The following PTK2 variants were observed in gnomAD, a reference collection of about 807,000 sequenced individuals.
PTK2 encodes the protein focal adhesion kinase 1.
Under a neutral mutation model 150.1 loss-of-function variants are expected in PTK2, and 45 were observed. That is an observed-to-expected ratio of 0.30 (90% CI 0.24 to 0.38). The LOEUF (loss-of-function observed/expected upper bound fraction) is 0.38. PTK2 is among the 10% of genes least tolerant of loss of function. The pLI, the probability that PTK2 is intolerant of heterozygous loss-of-function variation, is 1.00. For missense variants in PTK2, 919 were observed against 1,307.3 expected (o/e 0.70, Z 4.58); for synonymous variants, 432 against 449.2 (o/e 0.96, Z 0.48).
intron 26 of PTK2, among the ~76,000 whole-genome samples, chr8:140,688,014 G>A (rs1473217670): frequency 6.6e-6 from 1 of 152,178 alleles, no homozygotes; most frequent in Non-Finnish European, 1.5e-5. Context: ...AGGGGGCTCT[G>A]GCTGATTGTT....
intron 26 of PTK2, among the ~76,000 whole-genome samples, chr8:140,699,396 A>C (rs1490953218): frequency 6.6e-6 from 1 of 152,202 alleles, no homozygotes; most frequent in Non-Finnish European, 1.5e-5. Flanking sequence ...CTGCTTGGCA[A>C]CAGGGACCAG....
At chr8:141,000,082 C>T (rs556575069) in intron 1 of PTK2, among the ~76,000 whole-genome samples, 1 of 125,530 alleles carries the variant, frequency 8.0e-6, no homozygotes, top group South Asian at 2.7e-4. Flanking sequence ...TTAAATGAAA[C>T]CAATTCACAC....
At chr8:140,887,814 TTC>T (rs558562286) in intron 3 of PTK2, among the ~76,000 whole-genome samples, 7 of 152,240 alleles carry the variant, frequency 4.6e-5, no homozygotes, top group South Asian at 2.1e-4. Context: ...ATATATTTTA[TTC>T]TGTTTTCTTA....
chr8:140,945,185 G>A (rs761515486), intron 1 of PTK2, among the ~76,000 whole-genome samples: 35 of 152,180 alleles, frequency 2.3e-4, no homozygotes, highest in Non-Finnish European at 4.0e-4. Flanking sequence ...TAACCAATGC[G>A]TAAAGATTTT....
At chr8:140,956,036 C>T (rs1375712194) in intron 1 of PTK2, among the ~76,000 whole-genome samples, 1 of 152,222 alleles carries the variant, frequency 6.6e-6, no homozygotes, top group Non-Finnish European at 1.5e-5. Flanking sequence ...ACTGAACACA[C>T]ATTTCAGCTC....
intron 1 of PTK2, among the ~76,000 whole-genome samples, chr8:140,967,844 C>A (rs2100185858): frequency 6.6e-6 from 1 of 152,122 alleles, no homozygotes; most frequent in Non-Finnish European, 1.5e-5. Flanking sequence ...CACTTTATAC[C>A]AATTTTCCCT....
intron 13 of PTK2, among the ~76,000 whole-genome samples, chr8:140,790,117 G>A (rs1276372240): frequency 6.6e-6 from 1 of 152,008 alleles, no homozygotes; most frequent in Non-Finnish European, 1.5e-5. Context: ...CAAAAGTCTT[G>A]GTGCCGTTTA....
At chr8:140,769,711 T>C in intron 14 of PTK2, 119 bp from the exon 16 acceptor site, 1 of 540,688 alleles carries the variant, frequency 1.8e-6, no homozygotes, top group Non-Finnish European at 2.9e-6. Context: ...AACCAAAGTG[T>C]AAGAAAAATA....
chr8:140,780,690 A>C (rs2100081158), intron 14 of PTK2, among the ~76,000 whole-genome samples: 1 of 152,250 alleles, frequency 6.6e-6, no homozygotes, highest in Non-Finnish European at 1.5e-5. Flanking sequence ...ACCACATATG[A>C]AAATGGGACA....
At chr8:140,672,769 A>G (rs1223473811) in intron 29 of PTK2, among the ~76,000 whole-genome samples, 1 of 152,256 alleles carries the variant, frequency 6.6e-6, no homozygotes, top group East Asian at 1.9e-4. Flanking sequence ...ACAACAATGT[A>G]TCTACATCTA....
chr8:140,873,255 G>C (rs1274909679), intron 4 of PTK2, among the ~76,000 whole-genome samples: 1 of 152,212 alleles, frequency 6.6e-6, no homozygotes, highest in Admixed American at 6.5e-5. Flanking sequence ...GTAAAAGACT[G>C]TCAGGTCCAC....
intron 22 of PTK2, among the ~76,000 whole-genome samples, chr8:140,724,866 T>G (rs2100044873): frequency 1.3e-5 from 2 of 152,230 alleles, no homozygotes; most frequent in Admixed American, 1.3e-4. Context: ...TACCTGGAAG[T>G]AGCTGACCTA....
intron 1 of PTK2, among the ~76,000 whole-genome samples, chr8:140,980,821 G>A (rs2100191135): frequency 6.8e-6 from 1 of 147,484 alleles, no homozygotes; most frequent in South Asian, 2.2e-4. Flanking sequence ...CGCAATCTTG[G>A]CTCACTGCAA....
intron 7 of PTK2, among the ~76,000 whole-genome samples, chr8:140,845,765 TC>T (rs2100125062): frequency 6.6e-6 from 1 of 152,174 alleles, no homozygotes; most frequent in Non-Finnish European, 1.5e-5. Context: ...GTTTCTAGCC[TC>T]CCACGACATA....
At chr8:140,803,152 T>C (rs1390253717) in intron 11 of PTK2, among the ~76,000 whole-genome samples, 1 of 151,626 alleles carries the variant, frequency 6.6e-6, no homozygotes, top group Non-Finnish European at 1.5e-5. Flanking sequence ...GTAGCTGGGA[T>C]TACAGGTGTG....
chr8:140,937,656 T>TGGCATTACTACATACA (rs1464385224), intron 1 of PTK2, among the ~76,000 whole-genome samples: 6 of 151,276 alleles, frequency 4.0e-5, no homozygotes, highest in African/African-American at 1.2e-4. Flanking sequence ...ACAAAAATAA[T>TGGCATTACTACATACA]GGCATTACTA....
intron 27 of PTK2, among the ~76,000 whole-genome samples, chr8:140,681,819 A>G (rs1258810026): frequency 1.3e-5 from 2 of 152,182 alleles, no homozygotes; most frequent in African/African-American, 2.4e-5. Flanking sequence ...AGGACTGGGA[A>G]TTGGTGTGAA....
At chr8:140,922,123 T>C (rs900123556) in intron 2 of PTK2, among the ~76,000 whole-genome samples, 6 of 152,166 alleles carry the variant, frequency 3.9e-5, no homozygotes, top group African/African-American at 1.4e-4. Context: ...CTGAAAACAA[T>C]AGCTTAACAA....
At chr8:140,743,133 T>C in intron 20 of PTK2, 97 bp downstream of exon 23, 1 of 801,414 alleles carries the variant, frequency 1.2e-6, no homozygotes, top group Non-Finnish European at 2.0e-6. Context: ...ATTTTATATC[T>C]CTGTCAAAGA....
Sources: allele counts gnomAD v4.1 joint callset (sites outside exome capture counted in the v4.1 genomes callset), GRCh38; gene constraint gnomAD v4.1.1; transcripts MANE v1.5; gene names NCBI Gene and HGNC (gene_info 2026-07-23, HGNC 2026-07-21).